ADAMTS6: variants seen among roughly 807,000 people sequenced by gnomAD.
ADAMTS6 encodes the protein ADAM metallopeptidase with thrombospondin type 1 motif 6.
In ADAMTS6, 23 loss-of-function variants were observed where a neutral mutation model predicts 144.3. That is an observed-to-expected ratio of 0.16 (90% CI 0.11 to 0.23). ADAMTS6 has a LOEUF of 0.23. Ranked by LOEUF, ADAMTS6 falls within the 10% of genes least tolerant of loss-of-function variation. The probability of loss-of-function intolerance (pLI) is 1.00; values close to 1 mark genes in which losing one functional copy is unlikely to be tolerated. For missense variants in ADAMTS6, 999 were observed against 1,379.6 expected, an observed-to-expected ratio of 0.72 and a Z score of 4.37; for synonymous variants, 444 against 457.5, an observed-to-expected ratio of 0.97 and a Z score of 0.38.
At chr5:65,391,056 G>A (rs1386136578) in intron 7 of ADAMTS6, among the ~76,000 whole-genome samples, 1 of 151,560 alleles carries the variant, frequency 6.6e-6, no homozygotes, top group Non-Finnish European at 1.5e-5. Context: ...AACTAGTTGA[G>A]ACTATAGGCA....
At chr5:65,244,007 C>T (rs9283705) in intron 14 of ADAMTS6, among the ~76,000 whole-genome samples, 10 of 152,012 alleles carry the variant, frequency 6.6e-5, no homozygotes, top group Non-Finnish European at 1.5e-4. Context: ...TAGCATATGA[C>T]AGCATGTTAC....
chr5:65,309,633 A>G (rs1160953943), intron 9 of ADAMTS6, among the ~76,000 whole-genome samples: 1 of 152,066 alleles, frequency 6.6e-6, no homozygotes, highest in East Asian at 1.9e-4. Context: ...ATTTTAAAAG[A>G]AAGTTTCTAT....
At chr5:65,345,365 C>T (rs141627525) in intron 7 of ADAMTS6, among the ~76,000 whole-genome samples, 32 of 151,614 alleles carry the variant, frequency 2.1e-4, no homozygotes, top group African/African-American at 7.2e-4. Flanking sequence ...CATGAAGTTG[C>T]TGTATGTTTG....
intron 1 of ADAMTS6, among the ~76,000 whole-genome samples, chr5:65,474,440 A>G (rs747548167): frequency 1.8e-4 from 27 of 152,084 alleles, no homozygotes; most frequent in Non-Finnish European, 3.4e-4. Flanking sequence ...TTTAGCAGCC[A>G]TCTGTGAATA....
intron 20 of ADAMTS6, chr5:65,210,534 A>G: frequency 4.2e-6 from 2 of 475,828 alleles, no homozygotes; most frequent in Non-Finnish European, 7.8e-6. Context: ...TTGATGTTCA[A>G]CCAGGTGTCT....
At chr5:65,307,022 G>A (rs928180676) in intron 9 of ADAMTS6, among the ~76,000 whole-genome samples, 6 of 152,126 alleles carry the variant, frequency 3.9e-5, no homozygotes, top group Non-Finnish European at 8.8e-5. Flanking sequence ...TCATTTTAAT[G>A]TGGTTGAACT....
intron 12 of ADAMTS6, among the ~76,000 whole-genome samples, chr5:65,272,487 G>A (rs1157122935): frequency 1.3e-5 from 2 of 152,086 alleles, no homozygotes; most frequent in South Asian, 4.1e-4. Flanking sequence ...ACTGTGCCAA[G>A]CATGTTTAAA....
chr5:65,336,263 C>G (rs959441067), intron 7 of ADAMTS6, among the ~76,000 whole-genome samples: 5 of 151,988 alleles, frequency 3.3e-5, no homozygotes, highest in Non-Finnish European at 7.4e-5. Context: ...CATTTCTGTA[C>G]AACCAACTTT....
chr5:65,464,563 ATG>A (rs2150272084), intron 3 of ADAMTS6, among the ~76,000 whole-genome samples: 1 of 152,320 alleles, frequency 6.6e-6, no homozygotes, highest in South Asian at 2.1e-4. Context: ...AAAAATAAAG[ATG>A]TGATATTTGC....
At chr5:65,206,353 C>T (rs1284190387) in intron 20 of ADAMTS6, among the ~76,000 whole-genome samples, 1 of 152,106 alleles carries the variant, frequency 6.6e-6, no homozygotes, top group African/African-American at 2.4e-5. Flanking sequence ...AACGTGGTCC[C>T]ACATCAGGAA....
At position 65,291,287 on chromosome 5, in the gene ADAMTS6, A is replaced by G. The variant is rs367917630; in HGVS notation, c.1512+42T>C. 1.9e-6 allele frequency: 3 copies of G among 1,580,226 alleles called. No individual in the cohort carries two copies. The African/African-American group carries it at 4.1e-5, about 21-fold the overall frequency. ...CATCTTAACATCTGTGTCATGGAAG[A>G]ACACGTATAAATGACGAAACATAAG... On this transcript the variant is annotated intron_variant, in intron 11 of 24. Coordinates refer to ENST00000381055, the MANE Select transcript of ADAMTS6 (RefSeq NM_197941.4).
intron 7 of ADAMTS6, among the ~76,000 whole-genome samples, chr5:65,366,590 C>T (rs1750330179): frequency 6.6e-6 from 1 of 152,112 alleles, no homozygotes; most frequent in African/African-American, 2.4e-5. Flanking sequence ...ATGTGTGGGA[C>T]CATCACATAG....
Position 65,468,551 on chromosome 5 carries a change from G to GA in ADAMTS6, c.462+2226dup, listed in dbSNP as rs140267313. Among the ~76,000 whole-genome samples, 672 of 152,230 alleles carry GA rather than the reference G, an allele frequency of 4.4e-3. 5 individuals are homozygous for GA. The highest frequency in any genetic ancestry group is 0.015 in the African/African-American group (635 of 41,536). ...ACAAATTCCTTACGAACTGCCAAGG[G>GA]AAAAAATAGTAACTTCAGTGGACAA... On this transcript the variant is annotated intron_variant, in intron 3 of 24. Coordinates refer to ENST00000381055, the MANE Select transcript of ADAMTS6 (RefSeq NM_197941.4).
At chr5:65,185,193 T>C (rs1754596179) in intron 22 of ADAMTS6, among the ~76,000 whole-genome samples, 1 of 152,228 alleles carries the variant, frequency 6.6e-6, no homozygotes. Flanking sequence ...TCACAATAGC[T>C]ACTCAGACAT....
chr5:65,473,540 C>T (rs1247061128), intron 2 of ADAMTS6, 37 bp downstream of exon 2: 5 of 1,517,678 alleles, frequency 3.3e-6, no homozygotes, highest in Non-Finnish European at 4.5e-6. Context: ...CAATTAATAG[C>T]AATATTTTTT....
At chr5:65,309,617 C>G (rs1303677623) in intron 9 of ADAMTS6, among the ~76,000 whole-genome samples, 2 of 150,994 alleles carry the variant, frequency 1.3e-5, no homozygotes, top group South Asian at 2.1e-4. Flanking sequence ...CACACACACA[C>G]AGAATATTTT....
intron 11 of ADAMTS6, among the ~76,000 whole-genome samples, chr5:65,285,111 G>C (rs1220003361): frequency 6.6e-6 from 1 of 152,116 alleles, no homozygotes. Context: ...TTTCTAACAT[G>C]GGTTTTCCAG....
At chr5:65,225,413 G>T (rs1757655077) in intron 16 of ADAMTS6, among the ~76,000 whole-genome samples, 1 of 152,120 alleles carries the variant, frequency 6.6e-6, no homozygotes, top group African/African-American at 2.4e-5. Context: ...TTCTCAGTTT[G>T]AAGCACTTAA....
chr5:65,462,917 TA>T (rs1476267503), intron 3 of ADAMTS6, among the ~76,000 whole-genome samples: 1 of 151,660 alleles, frequency 6.6e-6, no homozygotes, highest in Non-Finnish European at 1.5e-5. Context: ...CCACCCCTAC[TA>T]AAAATACAAA....
Sources: allele counts gnomAD v4.1 joint callset (sites outside exome capture counted in the v4.1 genomes callset), GRCh38; gene constraint gnomAD v4.1.1; transcripts MANE v1.5; gene names NCBI Gene and HGNC (gene_info 2026-07-23, HGNC 2026-07-21).